Variants in FNIP2 observed in about 807,000 individuals in gnomAD.
FNIP2 encodes folliculin interacting protein 2.
FNIP2 carries 32 observed loss-of-function variants against 108.7 expected under a neutral mutation model. The observed-to-expected ratio is 0.29, with a 90% confidence interval of 0.22 to 0.40. The LOEUF (loss-of-function observed/expected upper bound fraction) is 0.40, where lower values mean the gene tolerates loss of function less well. FNIP2 is among the 10% of genes least tolerant of loss of function. The probability of loss-of-function intolerance (pLI) is 1.00; values close to 1 mark genes in which losing one functional copy is unlikely to be tolerated. For missense variants in FNIP2, 1,202 were observed against 1,381.6 expected (o/e 0.87, Z 2.06); for synonymous variants, 480 against 496.7 (o/e 0.97, Z 0.45).
intron 14 of FNIP2, among the ~76,000 whole-genome samples, chr4:158,877,447 C>G (rs1445982630): frequency 1.3e-5 from 2 of 152,226 alleles, no homozygotes; most frequent in African/African-American, 4.8e-5. Flanking sequence ...CTCTTGTTTA[C>G]CTTAGTACAA....
At chr4:158,769,432 A>G (rs191363948) in intron 1 of FNIP2, 113 bp downstream of exon 1, 4 of 602,216 alleles carry the variant, frequency 6.6e-6, no homozygotes, top group African/African-American at 6.0e-5. Context: ...GGCGCTGCCT[A>G]TCGCCGGCAC....
In FNIP2 at chr4:158,859,234, C is replaced by T; in HGVS notation, c.1035C>T (p.Asn345=). The T allele has an allele frequency of 6.2e-7, 1 of 1,610,052 alleles. No homozygotes were observed. Among genetic ancestry groups the T allele is most frequent in the East Asian group, 2.2e-5 (1 of 44,848 alleles). Residue 345 remains asparagine (N), a synonymous_variant, in exon 9 of 17, where the codon AAC becomes AAT. Transcript: ENST00000264433. ...SHFPLFESHM[N]RLKSAIEKAM... ...TTCCCCTGTTTGAATCTCACATGAA[C>T]AGGCTGAAGAGTGCAATTGAAAAGG... is the stretch of plus-strand genomic sequence containing the variant.
Position 158,904,648 on chromosome 4 carries a change from A to G in FNIP2, c.*104A>G, listed in dbSNP as rs1729670548. 1 of 987,544 alleles carries G rather than the reference A, an allele frequency of 1.0e-6. No individual in the cohort carries two copies. The highest frequency in any genetic ancestry group is 2.1e-5 in the Admixed American group (1 of 48,492). 61.2% of individuals were successfully genotyped at this position (987,544 alleles called of 1,614,324 possible). On this transcript the variant is annotated 3_prime_UTR_variant, in exon 17 of 17. Coordinates refer to ENST00000264433, the MANE Select transcript of FNIP2 (RefSeq NM_020840.3). ...GATGTCAAAAGCATGAGAAGAGCAA[A>G]CAGAAACAGTCATTCCACCTTTTTG...
chr4:158,849,847 G>T (rs1353058728), intron 7 of FNIP2, among the ~76,000 whole-genome samples: 1 of 151,192 alleles, frequency 6.6e-6, no homozygotes, highest in Non-Finnish European at 1.5e-5. Context: ...TTTGCTAATT[G>T]CCTACTGTGG....
chr4:158,815,337 A>G (rs1424871069), intron 1 of FNIP2, among the ~76,000 whole-genome samples: 1 of 150,614 alleles, frequency 6.6e-6, no homozygotes, highest in Non-Finnish European at 1.5e-5. Flanking sequence ...CTCTGTAAAG[A>G]GTGTAGAATG....
chr4:158,781,213 C>T lies in FNIP2; in HGVS notation c.107+11894C>T, dbSNP rs1371525111. Among the ~76,000 whole-genome samples the T allele has an allele frequency of 3.9e-5, 6 of 152,164 alleles. No individual in the cohort carries two copies. The East Asian group carries it at 9.7e-4, about 25-fold the overall frequency. ...TGAAAGGAAGGAGTGAGGGAGGGCT[C>T]TTTAATCTGGGCTAGTTAGGGAGGC... On this transcript the variant is annotated intron_variant, in intron 1 of 16. Coordinates refer to ENST00000264433, the MANE Select transcript of FNIP2 (RefSeq NM_020840.3).
intron 3 of FNIP2, among the ~76,000 whole-genome samples, chr4:158,830,081 C>G (rs1453491001): frequency 1.3e-5 from 2 of 151,972 alleles, no homozygotes; most frequent in East Asian, 3.9e-4. Flanking sequence ...GCATGTGGCC[C>G]TTGTACCCCA....
intron 1 of FNIP2, among the ~76,000 whole-genome samples, chr4:158,790,414 T>G (rs533386560): frequency 2.0e-5 from 3 of 152,068 alleles, no homozygotes; most frequent in Non-Finnish European, 4.4e-5. Flanking sequence ...AGATAAGGGA[T>G]ACTCAACCTG....
intron 7 of FNIP2, among the ~76,000 whole-genome samples, chr4:158,836,847 T>C (rs1306718130): frequency 6.7e-6 from 1 of 148,370 alleles, no homozygotes; most frequent in East Asian, 2.0e-4. Context: ...AAGAGACTCA[T>C]TGATCAGACC....
intron 14 of FNIP2, chr4:158,890,377 T>A: frequency 1.0e-6 from 1 of 984,616 alleles, no homozygotes; most frequent in African/African-American, 1.7e-5. Context: ...TAGGAAAAAA[T>A]GTTGGTCCGC....
At position 158,849,133 on chromosome 4, in the gene FNIP2, A is replaced by G. The variant is rs78579793; in HGVS notation, c.728-2188A>G. ...TCTACTTTCAGATAAAGTAGGCCTA[A>G]GAATTTCCTTATAGCCAGCTCTTAC... On this transcript the variant is annotated intron_variant, in intron 7 of 16. Coordinates refer to ENST00000264433, the MANE Select transcript of FNIP2 (RefSeq NM_020840.3). Among the ~76,000 whole-genome samples the G allele has an allele frequency of 3.4e-3, 522 of 152,368 alleles. 2 individuals are homozygous for G. The highest frequency in any genetic ancestry group is 0.012 in the African/African-American group (499 of 41,586).
At chr4:158,846,516 C>A (rs1553960599) in intron 7 of FNIP2, among the ~76,000 whole-genome samples, 1 of 152,106 alleles carries the variant, frequency 6.6e-6, no homozygotes, top group Non-Finnish European at 1.5e-5. Context: ...AGCCTGGACT[C>A]TTACTCAGTT....
intron 14 of FNIP2, among the ~76,000 whole-genome samples, chr4:158,873,604 T>C (rs1781088903): frequency 6.6e-6 from 1 of 152,250 alleles, no homozygotes; most frequent in African/African-American, 2.4e-5. Context: ...TTTTGTACTT[T>C]TCTTATCCTA....
At chr4:158,835,522 T>A in intron 7 of FNIP2, 46 bp downstream of exon 7, 2 of 1,554,258 alleles carry the variant, frequency 1.3e-6, no homozygotes, top group Non-Finnish European at 1.8e-6. Context: ...GTGAACTATC[T>A]ACAGTGGTGT....
intron 7 of FNIP2, among the ~76,000 whole-genome samples, chr4:158,844,197 A>G (rs998258419): frequency 6.6e-6 from 1 of 152,066 alleles, no homozygotes; most frequent in African/African-American, 2.4e-5. Flanking sequence ...AACCTACCCA[A>G]TCTGTCATAT....
intron 6 of FNIP2, chr4:158,834,622 T>C (rs2126599476): frequency 6.6e-6 from 1 of 152,234 alleles, no homozygotes; most frequent in African/African-American, 2.4e-5. Context: ...TAAACATGCT[T>C]CAAAAAAATA....
chr4:158,879,049 A>G (rs1334502534), intron 14 of FNIP2, among the ~76,000 whole-genome samples: 2 of 150,342 alleles, frequency 1.3e-5, no homozygotes, highest in Non-Finnish European at 2.9e-5. Flanking sequence ...AAGAGCAAGT[A>G]AAAGATGTGG....
intron 16 of FNIP2, among the ~76,000 whole-genome samples, chr4:158,901,027 G>A (rs1729194065): frequency 6.6e-6 from 1 of 151,936 alleles, no homozygotes; most frequent in Admixed American, 6.5e-5. Flanking sequence ...AGGCAGGCCT[G>A]GTGGTGACAG....
chr4:158,786,528 A>G (rs1776229430), intron 1 of FNIP2, among the ~76,000 whole-genome samples: 2 of 152,212 alleles, frequency 1.3e-5, no homozygotes, highest in South Asian at 4.1e-4. Flanking sequence ...AGCTGCCAGA[A>G]GCTCATTCCT....
Sources: allele counts gnomAD v4.1 joint callset (sites outside exome capture counted in the v4.1 genomes callset), GRCh38; gene constraint gnomAD v4.1.1; transcripts MANE v1.5; gene names NCBI Gene and HGNC (gene_info 2026-07-23, HGNC 2026-07-21).